The following CFAP61 variants were observed in gnomAD, a reference collection of about 807,000 sequenced individuals.
CFAP61 encodes cilia and flagella associated protein 61.
CFAP61 carries 107 observed loss-of-function variants against 135.6 expected under a neutral mutation model. That is an observed-to-expected ratio of 0.79 (90% CI 0.67 to 0.93). The LOEUF (loss-of-function observed/expected upper bound fraction) is 0.93. CFAP61 is among the 40% of genes least tolerant of loss of function. The pLI is 0.00. For synonymous variants in CFAP61, 575 were observed against 578.5 expected, an observed-to-expected ratio of 0.99 and a Z score of 0.09; for missense variants, 1,507 against 1,556.2, an observed-to-expected ratio of 0.97 and a Z score of 0.53.
rs1460900041 is a variant in CFAP61, at chr20:20,277,475, A to G, written c.2796+17A>G. On this transcript the variant is annotated intron_variant, in intron 22 of 26. Coordinates refer to ENST00000245957, the MANE Select transcript of CFAP61 (RefSeq NM_015585.4). The stretch of plus-strand genomic sequence containing the variant: ...CAGTGCTCTGTAAGTGGGTCCCTGC[A>G]AACCTCACTCACCAGCCAGGGACAG... 2 of 1,585,990 alleles carry G rather than the reference A, an allele frequency of 1.3e-6. No individual in the cohort carries two copies. Among genetic ancestry groups the G allele is most frequent in the Admixed American group, 3.4e-5 (2 of 58,740 alleles).
chr20:20,122,393 G>A (rs1268417444), intron 8 of CFAP61, among the ~76,000 whole-genome samples: 1 of 152,112 alleles, frequency 6.6e-6, no homozygotes, highest in Non-Finnish European at 1.5e-5. Flanking sequence ...CTGACCTCGT[G>A]ATCTTCCCGC....
chr20:20,346,954 A>G (rs911808220), intron 26 of CFAP61, among the ~76,000 whole-genome samples: 1 of 152,238 alleles, frequency 6.6e-6, no homozygotes, highest in Non-Finnish European at 1.5e-5. Context: ...TAGAATGCAC[A>G]TTCTTCTCAA....
At chr20:20,089,076 C>T (rs1331309425) in intron 6 of CFAP61, among the ~76,000 whole-genome samples, 1 of 152,034 alleles carries the variant, frequency 6.6e-6, no homozygotes, top group Non-Finnish European at 1.5e-5. Flanking sequence ...AACCTCTGGC[C>T]CCTAGCCAAG....
At chr20:20,064,382 A>G (rs1281166039) in intron 2 of CFAP61, among the ~76,000 whole-genome samples, 1 of 152,210 alleles carries the variant, frequency 6.6e-6, no homozygotes, top group Non-Finnish European at 1.5e-5. Context: ...GTGTAAAGGA[A>G]GCCTTTTACG....
chr20:20,298,226 C>A lies in CFAP61; in HGVS notation c.3262C>A (p.Arg1088=). The A allele has an allele frequency of 6.2e-7, 1 of 1,614,108 alleles. No homozygotes were observed. The highest frequency in any genetic ancestry group is 8.5e-7 in the Non-Finnish European group (1 of 1,180,006). Residue 1088 remains arginine, a synonymous_variant, in exon 25 of 27, where the codon CGA becomes AGA. Transcript: ENST00000245957. ...TGSAKNGTYF[R]IHINKYKMVE... is the part of the protein sequence containing the mutation. The stretch of plus-strand genomic sequence containing the variant: ...CAGTGCGAAAAATGGGACTTACTTC[C>A]GAATTCATATTAACAAGTATAAAAT...
At chr20:20,340,654 G>C (rs189929787) in intron 25 of CFAP61, among the ~76,000 whole-genome samples, 1 of 152,126 alleles carries the variant, frequency 6.6e-6, no homozygotes, top group African/African-American at 2.4e-5. Context: ...GGAAAGCAGC[G>C]AGCAGGCGGT....
intron 21 of CFAP61, among the ~76,000 whole-genome samples, chr20:20,272,418 T>G (rs539982475): frequency 4.6e-5 from 7 of 151,822 alleles, no homozygotes; most frequent in Admixed American, 3.9e-4. Flanking sequence ...AGAGTGAGAC[T>G]CTGTCTTGAA....
At chr20:20,172,946 C>G (rs531993092) in intron 13 of CFAP61, among the ~76,000 whole-genome samples, 46 of 152,302 alleles carry the variant, frequency 3.0e-4, no homozygotes, top group African/African-American at 1.1e-3. Context: ...TCTGTTCGTC[C>G]CTCGTTTCCC....
At chr20:20,335,845 G>A (rs961325933) in intron 25 of CFAP61, among the ~76,000 whole-genome samples, 36 of 152,314 alleles carry the variant, frequency 2.4e-4, no homozygotes, top group African/African-American at 7.9e-4. Context: ...AGAAAGACTC[G>A]GGAAAAAGCA....
chr20:20,109,620 G>C (rs2048658553), intron 8 of CFAP61, among the ~76,000 whole-genome samples: 1 of 152,104 alleles, frequency 6.6e-6, no homozygotes, highest in Non-Finnish European at 1.5e-5. Context: ...AAACGACATG[G>C]ACCCAGCTCC....
intron 17 of CFAP61, among the ~76,000 whole-genome samples, chr20:20,200,373 A>G (rs553556824): frequency 6.6e-6 from 1 of 152,194 alleles, no homozygotes; most frequent in East Asian, 2.0e-4. Flanking sequence ...TCCCTCCTCC[A>G]TTTGAATCAA....
intron 25 of CFAP61, chr20:20,322,861 A>G: frequency 1.0e-6 from 1 of 985,240 alleles, no homozygotes; most frequent in Non-Finnish European, 1.2e-6. Context: ...ATGAAAATCA[A>G]ATTTACTAAT....
Position 20,052,567 on chromosome 20 carries a change from G to T in CFAP61, c.-61G>T. On this transcript the variant is annotated 5_prime_UTR_variant, in exon 1 of 27. Coordinates refer to ENST00000245957, the MANE Select transcript of CFAP61 (RefSeq NM_015585.4). ...TCCTCCTTGCGGCAGCGCGTGGAGT[G>T]CGGCGTCCTGGAGCTGCGGATGAGG... 1 of 1,613,930 alleles carries T rather than the reference G, an allele frequency of 6.2e-7. No homozygotes were observed. The highest frequency in any genetic ancestry group is 8.5e-7 in the Non-Finnish European group (1 of 1,179,902).
chr20:20,200,811 G>A (rs141519281), intron 17 of CFAP61: 263 of 985,360 alleles, frequency 2.7e-4, no homozygotes, highest in Middle Eastern at 1.6e-3. Context: ...GACATCACCC[G>A]ACCCAGAGCC....
intron 26 of CFAP61, among the ~76,000 whole-genome samples, chr20:20,356,181 G>A (rs1368773982): frequency 1.4e-5 from 2 of 142,580 alleles, no homozygotes; most frequent in African/African-American, 2.6e-5. Context: ...ACTGAGGGGG[G>A]GTGGTCACAC....
At chr20:20,165,994 G>A (rs2053801248) in intron 11 of CFAP61, among the ~76,000 whole-genome samples, 5 of 152,198 alleles carry the variant, frequency 3.3e-5, no homozygotes, top group Admixed American at 3.3e-4. Flanking sequence ...ATGACCCAGT[G>A]TGGTTTGCCT....
rs138302774 is a variant in CFAP61, at chr20:20,249,902, T to C, written c.2160-1693T>C. 1.4e-3 allele frequency among the ~76,000 whole-genome samples: 220 copies of C among 152,326 alleles called. 1 individual carries two copies. Among genetic ancestry groups the C allele is most frequent in the Non-Finnish European group, 2.4e-3 (161 of 68,030 alleles). On this transcript the variant is annotated intron_variant, in intron 19 of 26. Transcript: ENST00000245957. ...GATAAAAAACAATCTTTCATGGGTC[T>C]CTCACAAATGTGGGAAGCCATGACA...
chr20:20,223,041 C>T (rs1271051776), intron 17 of CFAP61, among the ~76,000 whole-genome samples: 3 of 152,180 alleles, frequency 2.0e-5, no homozygotes, highest in African/African-American at 4.8e-5. Flanking sequence ...TGTTTGGAAG[C>T]TTTCTGTAAG....
At chr20:20,279,662 G>C (rs768865198) in intron 22 of CFAP61, among the ~76,000 whole-genome samples, 3 of 152,072 alleles carry the variant, frequency 2.0e-5, no homozygotes, top group Non-Finnish European at 4.4e-5. Context: ...GTTGCCCAAG[G>C]GTCAGCTGTA....
Sources: allele counts gnomAD v4.1 joint callset (sites outside exome capture counted in the v4.1 genomes callset), GRCh38; gene constraint gnomAD v4.1.1; transcripts MANE v1.5; gene names NCBI Gene and HGNC (gene_info 2026-07-23, HGNC 2026-07-21).